Variants in PALD1 observed in about 807,000 individuals in gnomAD.
PALD1 encodes the protein paladin.
Under a neutral mutation model 96.0 loss-of-function variants are expected in PALD1, and 57 were observed. That is an observed-to-expected ratio of 0.59 (90% confidence interval 0.48 to 0.74). The LOEUF (loss-of-function observed/expected upper bound fraction) is 0.74, where lower values mean the gene tolerates loss of function less well. PALD1 is among the 30% of genes least tolerant of loss of function. The pLI is 0.00. For missense variants in PALD1, 1,063 were observed against 1,143.7 expected, an observed-to-expected ratio of 0.93 and a Z score of 1.02; for synonymous variants, 464 against 473.6, an observed-to-expected ratio of 0.98 and a Z score of 0.26.
intron 19 of PALD1, among the ~76,000 whole-genome samples, chr10:70,565,749 C>T (rs989497050): frequency 3.3e-5 from 5 of 152,112 alleles, no homozygotes; most frequent in African/African-American, 1.2e-4. Context: ...CTTGAGCAGG[C>T]CTGGGCTCAG....
chr10:70,531,347 G>A lies in PALD1; in HGVS notation c.526G>A (p.Asp176Asn). The change falls in exon 5 of 20, where the codon GAC becomes AAC. Residue 176 changes from aspartate (D) to asparagine (N), a missense_variant. Transcript: ENST00000263563. Reference sequence around the variant, plus strand: ...TGTGCTTTTCCTGCGTGCAGATGAGGACTTTGTGTCCTACACACCTCGAGA... The same window carrying A: ...TGTGCTTTTCCTGCGTGCAGATGAGAACTTTGTGTCCTACACACCTCGAGA... Reference protein sequence around the residue: ...EPVLFLRADEDFVSYTPRDKQ... With the variant: ...EPVLFLRADENFVSYTPRDKQ... 1 of 1,613,978 alleles carries A rather than the reference G, an allele frequency of 6.2e-7. No homozygotes were observed. The highest frequency in any genetic ancestry group is 8.5e-7 in the Non-Finnish European group (1 of 1,179,890).
chr10:70,554,855 T>C (rs763008033), intron 18 of PALD1, among the ~76,000 whole-genome samples: 72 of 148,258 alleles, frequency 4.9e-4, no homozygotes, highest in Non-Finnish European at 1.0e-3. Context: ...GCGAGATTTA[T>C]TGTATAAAGA....
intron 18 of PALD1, among the ~76,000 whole-genome samples, chr10:70,554,361 A>G (rs1847546531): frequency 6.6e-6 from 1 of 152,224 alleles, no homozygotes; most frequent in African/African-American, 2.4e-5. Flanking sequence ...CCCTGGAGGC[A>G]GAGGTTGCAG....
intron 1 of PALD1, among the ~76,000 whole-genome samples, chr10:70,495,130 G>T (rs944139404): frequency 6.6e-6 from 1 of 152,222 alleles, no homozygotes; most frequent in Non-Finnish European, 1.5e-5. Flanking sequence ...GCATCTGCAC[G>T]GGCCGTTCCC....
upstream of PALD1, among the ~76,000 whole-genome samples, chr10:70,476,119 G>C (rs1845819769): frequency 6.6e-6 from 1 of 152,106 alleles, no homozygotes. Flanking sequence ...GGTCAGTCCC[G>C]ACCTCTCTCC....
At chr10:70,473,563 C>T in the PALD1 span, among the ~76,000 whole-genome samples, 1 of 152,112 alleles carries the variant, frequency 6.6e-6, no homozygotes, top group East Asian at 1.9e-4. Flanking sequence ...TCCATGAAGG[C>T]AGGAACTTGT....
At chr10:70,558,423 A>G (rs776875935) in intron 18 of PALD1, among the ~76,000 whole-genome samples, 4 of 152,148 alleles carry the variant, frequency 2.6e-5, no homozygotes, top group Non-Finnish European at 4.4e-5. Context: ...CATGTTTGTC[A>G]TTCATTGATT....
intron 1 of PALD1, among the ~76,000 whole-genome samples, chr10:70,525,009 T>A (rs1251570471): frequency 6.6e-6 from 1 of 152,136 alleles, no homozygotes; most frequent in African/African-American, 2.4e-5. Context: ...ATTTTTATTT[T>A]TTATTTTTTT....
At chr10:70,564,968 C>T (rs1341551727) in intron 19 of PALD1, among the ~76,000 whole-genome samples, 2 of 152,210 alleles carry the variant, frequency 1.3e-5, no homozygotes, top group Non-Finnish European at 1.5e-5. Flanking sequence ...TCCCTCCAGC[C>T]GTGACCTTGG....
Position 70,539,786 on chromosome 10 carries a change from G to T in PALD1, c.1908+24G>T. On this transcript the variant is annotated intron_variant, in intron 15 of 19. Transcript: ENST00000263563. The surrounding 1 kb of genome is among the most constrained non-coding windows in gnomAD (Gnocchi z 4.5). ...AGGTGAGGGTGCTGCTCAGGCTGAG[G>T]CCTCTGGGGAGGGACAGGAGGCCTC... is the stretch of plus-strand genomic sequence containing the variant. The T allele has an allele frequency of 1.3e-6, 2 of 1,592,360 alleles. No homozygotes were observed.
At chr10:70,478,537 TC>T (rs1365891280), upstream of PALD1, among the ~76,000 whole-genome samples, 1 of 152,074 alleles carries the variant, frequency 6.6e-6, no homozygotes, top group Non-Finnish European at 1.5e-5. Context: ...GGAACTGGCT[TC>T]CCGGGCAGTC....
intron 1 of PALD1, among the ~76,000 whole-genome samples, chr10:70,505,955 A>G (rs1485966303): frequency 6.6e-6 from 1 of 151,948 alleles, no homozygotes; most frequent in Non-Finnish European, 1.5e-5. Context: ...GCCCGGGTTG[A>G]GGATGTGGTG....
the PALD1 span, among the ~76,000 whole-genome samples, chr10:70,461,000 A>T: frequency 6.6e-6 from 1 of 152,210 alleles, no homozygotes; most frequent in Non-Finnish European, 1.5e-5. Context: ...GGTTGCAGTG[A>T]GCTGAGATCG....
At chr10:70,498,180 T>C (rs1426170783) in intron 1 of PALD1, among the ~76,000 whole-genome samples, 1 of 152,234 alleles carries the variant, frequency 6.6e-6, no homozygotes, top group African/African-American at 2.4e-5. Flanking sequence ...ATATTTCTTC[T>C]TTTGTGTCTG....
chr10:70,534,099 T>C lies in PALD1; in HGVS notation c.1022+26T>C, dbSNP rs1322197057. Reference sequence around the variant, plus strand: ...GTGAGTGGCCCGGGGCCCAGCGTCCTGAAGGGCTGTGGGGCCGAGGAGGGG... The same window carrying C: ...GTGAGTGGCCCGGGGCCCAGCGTCCCGAAGGGCTGTGGGGCCGAGGAGGGG... On this transcript the variant is annotated intron_variant, in intron 8 of 19. Transcript: ENST00000263563. 1.9e-6 allele frequency: 3 copies of C among 1,555,244 alleles called. No homozygotes were observed. The South Asian group carries it at 3.6e-5, about 19-fold the overall frequency.
intron 4 of PALD1, 47 bp from the exon 5 acceptor site, chr10:70,531,243 G>A (rs747045442): frequency 1.3e-6 from 2 of 1,558,082 alleles, no homozygotes; most frequent in Non-Finnish European, 1.8e-6. Flanking sequence ...GCAGGTGTCT[G>A]TGCGGGATCA....
At chr10:70,532,494 C>T in intron 5 of PALD1, 127 bp from the exon 6 acceptor site, 2 of 899,156 alleles carry the variant, frequency 2.2e-6, no homozygotes, top group Non-Finnish European at 3.4e-6. Flanking sequence ...TGTGTAGTTC[C>T]CTCATGGGGG....
chr10:70,546,952 A>AAAC (rs541902484), intron 17 of PALD1, among the ~76,000 whole-genome samples: 2,436 of 152,130 alleles, frequency 0.016, 63 homozygotes, highest in African/African-American at 0.054. Flanking sequence ...CTCTGTCTCC[A>AAAC]AACAACAACA....
chr10:70,504,737 G>A (rs1589181316), intron 1 of PALD1, among the ~76,000 whole-genome samples: 1 of 152,290 alleles, frequency 6.6e-6, no homozygotes, highest in East Asian at 1.9e-4. Flanking sequence ...GCCTGCCTCT[G>A]CATTCAATCT....
Sources: gnomAD v4.1 joint callset for allele counts (sites outside exome capture counted in the v4.1 genomes callset) on GRCh38, gnomAD v4.1.1 for gene constraint, Gnocchi (gnomAD v3.1) non-coding constraint, MANE v1.5 for transcripts, NCBI Gene and HGNC (gene_info 2026-07-23, HGNC 2026-07-21) for gene names.